The following GPCPD1 variants were observed in gnomAD, a reference collection of about 807,000 sequenced individuals.
GPCPD1 encodes glycerophosphocholine phosphodiesterase 1.
Under a neutral mutation model 89.2 loss-of-function variants are expected in GPCPD1, and 29 were observed. The ratio of observed to expected loss-of-function variants is 0.33; its 90% confidence interval spans 0.24 to 0.44. The LOEUF (loss-of-function observed/expected upper bound fraction) is 0.44. GPCPD1 is among the 20% of genes least tolerant of loss of function. The pLI is 1.00. For synonymous variants in GPCPD1, 258 were observed against 266.3 expected, an observed-to-expected ratio of 0.97 and a Z score of 0.30; for missense variants, 594 against 808.9, an observed-to-expected ratio of 0.73 and a Z score of 3.22.
rs1226448717 is a variant in GPCPD1 at position 5,575,886 on chromosome 20, T to C, written c.798A>G (p.Gly266=). 1.9e-6 allele frequency: 3 copies of C among 1,608,540 alleles called. No individual in the cohort carries two copies. The highest frequency in any genetic ancestry group is 2.6e-6 in the Non-Finnish European group (3 of 1,175,306). Residue 266 remains glycine, a synonymous_variant, in exon 9 of 20, where the codon GGA becomes GGG. Transcript: ENST00000379019. ...GAAGAGTAAGAATTCCAGCACTCTTTCCACTCTCAGCAATGGTGGATGATA... is the reference window on the plus strand; with the variant it reads ...GAAGAGTAAGAATTCCAGCACTCTTCCCACTCTCAGCAATGGTGGATGATA... ...CLLSSTIAES[G]KSAGILTLPI... is the part of the protein sequence containing the mutation.
chr20:5,586,283 G>A lies in GPCPD1; in HGVS notation c.232-14C>T. On this transcript the variant is annotated splice_polypyrimidine_tract_variant and intron_variant, in intron 4 of 19. Coordinates refer to ENST00000379019, the MANE Select transcript of GPCPD1 (RefSeq NM_019593.5). ...ACCACCGATAGTCTGCAATTTAAAA[G>A]TTAAACGTCTGCAATAATTTCTTAT... 6.8e-7 allele frequency: 1 copy of A among 1,465,698 alleles called. No individual in the cohort carries two copies. The highest frequency in any genetic ancestry group is 1.1e-5 in the South Asian group (1 of 87,808). 90.8% of individuals were successfully genotyped at this position (1,465,698 alleles called of 1,614,324 possible).
At chr20:5,598,312 G>A (rs1161119801) in intron 3 of GPCPD1, among the ~76,000 whole-genome samples, 3 of 152,138 alleles carry the variant, frequency 2.0e-5, no homozygotes, top group Non-Finnish European at 2.9e-5. Flanking sequence ...AGGCTGAGGC[G>A]CAAGGATCGC....
intron 1 of GPCPD1, among the ~76,000 whole-genome samples, chr20:5,604,817 G>A (rs1181717820): frequency 1.7e-5 from 2 of 117,466 alleles, no homozygotes; most frequent in African/African-American, 3.1e-5. Flanking sequence ...GCCAGGCATG[G>A]GGAGCATGCC....
chr20:5,575,111 G>C (rs1483547524), intron 10 of GPCPD1, among the ~76,000 whole-genome samples: 1 of 152,154 alleles, frequency 6.6e-6, no homozygotes, highest in Non-Finnish European at 1.5e-5. Flanking sequence ...GACTCAGAGA[G>C]GGCAACACGT....
chr20:5,587,097 A>G (rs1334526931), intron 4 of GPCPD1, among the ~76,000 whole-genome samples: 1 of 152,184 alleles, frequency 6.6e-6, no homozygotes, highest in East Asian at 1.9e-4. Flanking sequence ...AGTATACCTA[A>G]AAGACTAAAA....
chr20:5,597,311 T>C (rs1979801503), intron 3 of GPCPD1, among the ~76,000 whole-genome samples: 1 of 152,236 alleles, frequency 6.6e-6, no homozygotes, highest in Non-Finnish European at 1.5e-5. Context: ...TCCGTTGCTT[T>C]ACCACCAGTG....
chr20:5,573,683 C>T (rs766822677), intron 11 of GPCPD1, among the ~76,000 whole-genome samples: 19 of 152,130 alleles, frequency 1.2e-4, no homozygotes, highest in Non-Finnish European at 2.8e-4. Flanking sequence ...GTTGAGGCTG[C>T]AGTGAGCCAT....
At chr20:5,595,114 CA>C (rs1979619070) in intron 3 of GPCPD1, among the ~76,000 whole-genome samples, 2 of 152,106 alleles carry the variant, frequency 1.3e-5, no homozygotes, top group Admixed American at 1.3e-4. Flanking sequence ...TCTCCACCAG[CA>C]AAAAGATTGC....
chr20:5,547,700 A>T lies in GPCPD1; in HGVS notation c.1980T>A (p.His660Gln), dbSNP rs748317330. ...PSSLCGESDI[H>Q]VDANGIDNVE... ...CGTTATCAATGCCGTTGGCATCCAC[A>T]TGGATATCAGACTCCCCACACAAAG... The change falls in exon 20 of 20, where the codon CAT becomes CAA. Residue 660 changes from histidine to glutamine, a missense_variant. His to Gln is a conservative substitution (Grantham distance 24). Transcript: ENST00000379019. 5.0e-6 allele frequency: 8 copies of T among 1,609,768 alleles called. No homozygotes were observed. The highest frequency in any genetic ancestry group is 1.3e-5 in the African/African-American group (1 of 74,864).
At chr20:5,551,962 T>G (rs56136501) in intron 19 of GPCPD1, among the ~76,000 whole-genome samples, 14,209 of 152,102 alleles carry the variant, frequency 0.093, 1,109 homozygotes, top group African/African-American at 0.21. Flanking sequence ...CTATGTGATA[T>G]CTAAATTTGA....
intron 7 of GPCPD1, among the ~76,000 whole-genome samples, chr20:5,579,194 A>C (rs1169759401): frequency 6.6e-6 from 1 of 152,000 alleles, no homozygotes; most frequent in Non-Finnish European, 1.5e-5. Context: ...CAAAAGAAAA[A>C]ATATATATAT....
At position 5,570,184 on chromosome 20, in the gene GPCPD1, A is replaced by G. The variant is rs1196640804; in HGVS notation, c.1112T>C (p.Val371Ala). The change falls in exon 12 of 20, where the codon GTA (valine) becomes GCA (alanine). Residue 371 changes from valine to alanine, a missense_variant. Physicochemically the swap from Val to Ala is moderately conservative, Grantham distance 64. Coordinates refer to ENST00000379019, the MANE Select transcript of GPCPD1 (RefSeq NM_019593.5). ...CAAACAACAGGTAAGATCATGATAT[A>G]CCACGGGCACAAAGTCCTTTGAAAG... The part of the protein sequence containing the change: ...VHLSKDFVPV[V>A]YHDLTCCLTM... The G allele has an allele frequency of 6.3e-7, 1 of 1,592,732 alleles. No homozygotes were observed. The highest frequency in any genetic ancestry group is 8.6e-7 in the Non-Finnish European group (1 of 1,161,440).
chr20:5,567,838 G>A, intron 12 of GPCPD1: 1 of 276,060 alleles, frequency 3.6e-6, no homozygotes, highest in Non-Finnish European at 6.8e-6. Flanking sequence ...TAGCGCTGAA[G>A]ACAGCTGAGG....
intron 11 of GPCPD1, among the ~76,000 whole-genome samples, chr20:5,572,255 A>T (rs1277564931): frequency 6.6e-6 from 1 of 152,222 alleles, no homozygotes. Flanking sequence ...TATGACAGTA[A>T]AACTGGTTCC....
intron 2 of GPCPD1, among the ~76,000 whole-genome samples, chr20:5,599,422 ACAC>A (rs1979970837): frequency 6.6e-6 from 1 of 152,082 alleles, no homozygotes; most frequent in Non-Finnish European, 1.5e-5. Flanking sequence ...AGCCGAAATC[ACAC>A]CACTATACTC....
intron 1 of GPCPD1, among the ~76,000 whole-genome samples, chr20:5,605,005 A>C (rs566155003): frequency 6.8e-4 from 104 of 152,258 alleles, no homozygotes; most frequent in Non-Finnish European, 1.2e-3. Flanking sequence ...AAAGCAAAAA[A>C]TGAAAATGAA....
intron 3 of GPCPD1, among the ~76,000 whole-genome samples, chr20:5,596,485 T>C (rs952338444): frequency 9.2e-5 from 14 of 152,220 alleles, no homozygotes; most frequent in Non-Finnish European, 1.5e-4. Flanking sequence ...CGGGTAGTCA[T>C]ATGGTGGTTT....
intron 1 of GPCPD1, among the ~76,000 whole-genome samples, chr20:5,607,569 C>T (rs1980676289): frequency 6.6e-6 from 1 of 151,626 alleles, no homozygotes; most frequent in Non-Finnish European, 1.5e-5. Context: ...CAGAGGGAGA[C>T]TCCATCTCAA....
chr20:5,608,576 C>CA (rs1980748641), intron 1 of GPCPD1, among the ~76,000 whole-genome samples: 1 of 149,966 alleles, frequency 6.7e-6, no homozygotes, highest in South Asian at 2.1e-4. Context: ...TGTTGTGAAA[C>CA]AAAAAATGTA....
Sources: gnomAD v4.1 joint callset for allele counts (sites outside exome capture counted in the v4.1 genomes callset) on GRCh38, gnomAD v4.1.1 for gene constraint, MANE v1.5 for transcripts, NCBI Gene and HGNC (gene_info 2026-07-23, HGNC 2026-07-21) for gene names.